MINK1: variants seen among roughly 807,000 people sequenced by gnomAD.
MINK1 encodes the protein misshapen like kinase 1, also known as misshapen-like kinase 1.
MINK1 carries 46 observed loss-of-function variants against 178.4 expected under a neutral mutation model. The ratio of observed to expected loss-of-function variants is 0.26; its 90% confidence interval spans 0.20 to 0.33. MINK1 has a LOEUF of 0.33. Ranked by LOEUF, MINK1 falls within the 10% of genes least tolerant of loss-of-function variation. MINK1 has a pLI of 1.00. For synonymous variants in MINK1, 797 were observed against 709.7 expected (o/e 1.12, Z -1.96); for missense variants, 1,366 against 1,814.9 (o/e 0.75, Z 4.49).
intron 1 of MINK1, among the ~76,000 whole-genome samples, chr17:4,869,331 C>G (rs1308726068): frequency 6.6e-6 from 1 of 151,822 alleles, no homozygotes; most frequent in Non-Finnish European, 1.5e-5. Context: ...GGCTGCAGTG[C>G]AATGGCACGA....
chr17:4,857,147 G>C (rs1463692885), intron 1 of MINK1: 1 of 260,354 alleles, frequency 3.8e-6, no homozygotes, highest in Non-Finnish European at 7.7e-6. Context: ...TCAGGGAGTT[G>C]GCAGGGGGGA....
At chr17:4,864,978 A>G (rs957315032) in intron 1 of MINK1, among the ~76,000 whole-genome samples, 3 of 152,296 alleles carry the variant, frequency 2.0e-5, no homozygotes, top group Non-Finnish European at 2.9e-5. Context: ...CACAGCACAT[A>G]AGACAGACCA....
Position 4,893,458 on chromosome 17 carries a change from A to G in MINK1, c.2425A>G (p.Thr809Ala). 6.3e-7 allele frequency: 1 copy of G among 1,593,004 alleles called. No homozygotes were observed. The highest frequency in any genetic ancestry group is 8.6e-7 in the Non-Finnish European group (1 of 1,163,584). The part of the protein sequence containing the change: ...PADFVLLKER[T>A]LDEAPRPPKK... ...GGACTTTGTGTTGCTGAAAGAGCGG[A>G]CTCTGGACGAGGCCCCTCGGCCTCC... is the stretch of plus-strand genomic sequence containing the variant. The change falls in exon 21 of 32, where the codon ACT becomes GCT. Residue 809 changes from threonine (T) to alanine (A), a missense_variant. Physicochemically the swap from Thr to Ala is moderately conservative, Grantham distance 58. Coordinates refer to ENST00000355280, the MANE Select transcript of MINK1 (RefSeq NM_153827.5).
intron 4 of MINK1, among the ~76,000 whole-genome samples, chr17:4,882,236 G>A (rs1210700664): frequency 6.6e-6 from 1 of 152,222 alleles, no homozygotes; most frequent in Non-Finnish European, 1.5e-5. Context: ...CAAGGAATAG[G>A]CACATGCAAA....
At chr17:4,839,108 T>A (rs1227410485) in intron 1 of MINK1, among the ~76,000 whole-genome samples, 1 of 152,190 alleles carries the variant, frequency 6.6e-6, no homozygotes, top group African/African-American at 2.4e-5. Flanking sequence ...AATGCCTGGC[T>A]AATTTTTTGT....
At chr17:4,866,325 G>T (rs1399836207) in intron 1 of MINK1, among the ~76,000 whole-genome samples, 1 of 151,902 alleles carries the variant, frequency 6.6e-6, no homozygotes, top group African/African-American at 2.4e-5. Context: ...AAATTAGCTG[G>T]GCGTGGTGGG....
At chr17:4,838,907 C>T (rs1909703479) in intron 1 of MINK1, among the ~76,000 whole-genome samples, 1 of 151,860 alleles carries the variant, frequency 6.6e-6, no homozygotes, top group Non-Finnish European at 1.5e-5. Context: ...TCTCTGGGGA[C>T]ATCCACCCAA....
intron 15 of MINK1, 28 bp from the exon 16 acceptor site, chr17:4,891,428 G>C: frequency 6.5e-7 from 1 of 1,527,102 alleles, no homozygotes; most frequent in Non-Finnish European, 8.8e-7. Flanking sequence ...GGAGCAGGCA[G>C]CCCACCCTCC....
intron 1 of MINK1, among the ~76,000 whole-genome samples, chr17:4,858,538 G>A (rs1597430409): frequency 6.7e-6 from 1 of 149,864 alleles, no homozygotes; most frequent in East Asian, 2.0e-4. Flanking sequence ...GTGCAGTGGT[G>A]CAGTCTCGGC....
At chr17:4,880,686 TCAG>T (rs921873123) in intron 2 of MINK1, among the ~76,000 whole-genome samples, 2 of 149,810 alleles carry the variant, frequency 1.3e-5, no homozygotes, top group Non-Finnish European at 3.0e-5. Context: ...GATCACGAGG[TCAG>T]GAGATCGAGA....
intron 31 of MINK1, 27 bp from the exon 32 acceptor site, chr17:4,897,177 G>A (rs1969630161): frequency 1.9e-6 from 3 of 1,604,372 alleles, no homozygotes; most frequent in African/African-American, 1.3e-5. Flanking sequence ...CTCAGCCCTT[G>A]GTGACTTCTT....
In MINK1 at chr17:4,896,043, G is replaced by C; in HGVS notation, c.3405G>C (p.Lys1135Asn). ...TTAAGTTCCTGGTCATCGCCCTCAAGAGCTCCGTGGAGGTGTATGCCTGGG... is the reference window on the plus strand; with the variant it reads ...TTAAGTTCCTGGTCATCGCCCTCAACAGCTCCGTGGAGGTGTATGCCTGGG... ...ERIKFLVIALKSSVEVYAWAP... is the reference protein window; with the variant it reads ...ERIKFLVIALNSSVEVYAWAP... The change falls in exon 28 of 32, where the codon AAG becomes AAC. Residue 1135 changes from lysine to asparagine, a missense_variant. Physicochemically the swap from Lys to Asn is moderately conservative, Grantham distance 94. This residue lies in a region of MINK1 where 77 missense variants were observed against 119.5 expected (regional missense o/e 0.64). Transcript: ENST00000355280. The surrounding 1 kb of genome is among the most constrained non-coding windows in gnomAD (Gnocchi z 4.6). The C allele has an allele frequency of 6.2e-7, 1 of 1,606,732 alleles. No individual in the cohort carries two copies. The highest frequency in any genetic ancestry group is 2.2e-5 in the East Asian group (1 of 44,552).
At chr17:4,892,337 G>A in intron 17 of MINK1, 65 bp from the exon 18 acceptor site, 1 of 1,463,936 alleles carries the variant, frequency 6.8e-7, no homozygotes, top group Non-Finnish European at 9.3e-7. Context: ...GGGTGGGAAA[G>A]CCCCAGCCCC....
intron 1 of MINK1, among the ~76,000 whole-genome samples, chr17:4,858,439 C>G (rs1913548407): frequency 6.7e-6 from 1 of 149,630 alleles, no homozygotes; most frequent in East Asian, 2.0e-4. Flanking sequence ...TCTGCCAGCT[C>G]TTGTTGGTTC....
rs1969298969 is a variant in MINK1 at position 4,894,958 on chromosome 17, C to T, written c.2918-117C>T. The T allele has an allele frequency of 1.7e-6, 2 of 1,145,646 alleles. No individual in the cohort carries two copies. The highest frequency in any genetic ancestry group is 2.5e-6 in the Non-Finnish European group (2 of 809,454). 71.0% of individuals were successfully genotyped at this position (1,145,646 alleles called of 1,614,324 possible). ...TCCCATGCACCTCCTCTCCTCCTGT[C>T]TTTCTCCTCCTTTCTGCGTATTATG... is the stretch of plus-strand genomic sequence containing the variant. On this transcript the variant is annotated intron_variant, in intron 24 of 31. Coordinates refer to ENST00000355280, the MANE Select transcript of MINK1 (RefSeq NM_153827.5). This position sits in a 1 kb window ranked among gnomAD's most constrained non-coding sequence, Gnocchi z 4.1.
intron 5 of MINK1, 80 bp downstream of exon 5, chr17:4,884,553 G>A (rs980447627): frequency 1.5e-5 from 16 of 1,072,210 alleles, no homozygotes; most frequent in African/African-American, 7.8e-5. Flanking sequence ...TCCTCCCTGC[G>A]CTGGGAGGAG....
rs1351164942 is a variant in MINK1 at position 4,897,333 on chromosome 17, C to T, written c.*46C>T. 3.2e-6 allele frequency: 5 copies of T among 1,580,464 alleles called. No individual in the cohort carries two copies. Among genetic ancestry groups the T allele is most frequent in the Non-Finnish European group, 4.3e-6 (5 of 1,152,000 alleles). On this transcript the variant is annotated 3_prime_UTR_variant, in exon 32 of 32. Transcript: ENST00000355280. ...GTCCCACACTGGACCCAGCTCTCCC[C>T]CTGCAGCCAGGCTTCCCGGGCCGCC... is the stretch of plus-strand genomic sequence containing the variant.
At chr17:4,860,873 G>C (rs1176618850) in intron 1 of MINK1, 11 of 487,600 alleles carry the variant, frequency 2.3e-5, no homozygotes, top group Non-Finnish European at 4.5e-5. Flanking sequence ...ACTTCGGGAA[G>C]CTTTTGAAGC....
At chr17:4,880,717 G>A (rs1344908707) in intron 2 of MINK1, among the ~76,000 whole-genome samples, 1 of 151,262 alleles carries the variant, frequency 6.6e-6, no homozygotes, top group Non-Finnish European at 1.5e-5. Flanking sequence ...GGCTAACACG[G>A]TGAAACCCCA....
Sources: allele counts gnomAD v4.1 joint callset (sites outside exome capture counted in the v4.1 genomes callset), GRCh38; gene constraint gnomAD v4.1.1; regional missense constraint gnomAD v4.1.1; non-coding constraint Gnocchi (gnomAD v3.1); transcripts MANE v1.5; gene names NCBI Gene and HGNC (gene_info 2026-07-23, HGNC 2026-07-21).